Variants in CACNA1B observed in about 807,000 individuals in gnomAD.
The protein encoded by CACNA1B is voltage-dependent N-type calcium channel subunit alpha-1B.
Under a neutral mutation model 247.2 loss-of-function variants are expected in CACNA1B, and 70 were observed. The observed-to-expected ratio is 0.28, with a 90% CI of 0.23 to 0.35. The LOEUF (loss-of-function observed/expected upper bound fraction) is 0.35, where lower values mean the gene tolerates loss of function less well. CACNA1B is among the 10% of genes least tolerant of loss of function. The probability of loss-of-function intolerance (pLI) is 1.00; values close to 1 mark genes in which losing one functional copy is unlikely to be tolerated. For missense variants in CACNA1B, 2,367 were observed against 3,197.4 expected, an observed-to-expected ratio of 0.74 and a Z score of 6.26; for synonymous variants, 1,231 against 1,294.4, an observed-to-expected ratio of 0.95 and a Z score of 1.05.
chr9:137,912,237 A>G (rs1957367035), intron 3 of CACNA1B, among the ~76,000 whole-genome samples: 1 of 152,224 alleles, frequency 6.6e-6, no homozygotes, highest in Non-Finnish European at 1.5e-5. Flanking sequence ...GGTAGCTCCT[A>G]CATGGAATGA....
intron 35 of CACNA1B, among the ~76,000 whole-genome samples, chr9:138,076,746 G>T (rs939229574): frequency 1.3e-5 from 2 of 152,210 alleles, no homozygotes; most frequent in African/African-American, 4.8e-5. Flanking sequence ...CAGAAGGAAG[G>T]AGCTCTTTTA....
intron 41 of CACNA1B, 48 bp downstream of exon 41, chr9:138,114,538 G>C (rs1333397919): frequency 1.1e-6 from 1 of 949,280 alleles, no homozygotes; most frequent in South Asian, 1.4e-5. Flanking sequence ...TGCCTCCGAG[G>C]CTCTGGCATC....
rs1039049034 is a variant in CACNA1B at position 138,009,194 on chromosome 9, G to C, written c.2093-816G>C. Among the ~76,000 whole-genome samples the C allele has an allele frequency of 2.0e-5, 3 of 152,224 alleles. No homozygotes were observed. In the East Asian group the frequency reaches 5.8e-4, roughly 29 times the overall value. On this transcript the variant is annotated intron_variant, in intron 16 of 46. Coordinates refer to ENST00000371372, the MANE Select transcript of CACNA1B (RefSeq NM_000718.4). ...GCACACCCCAGGCGGTGCCTGTGCC[G>C]GTACCTGTGGCAGGTGCTTCCCTTT...
intron 36 of CACNA1B, among the ~76,000 whole-genome samples, chr9:138,088,940 CAA>C (rs1564280897): frequency 1.2e-5 from 1 of 86,026 alleles, no homozygotes; most frequent in African/African-American, 3.9e-5. Context: ...GCCTGGACAA[CAA>C]GAGCAAAACT....
intron 24 of CACNA1B, among the ~76,000 whole-genome samples, 166 bp downstream of exon 24, chr9:138,049,481 T>G (rs569617781): frequency 7.2e-4 from 109 of 152,148 alleles, no homozygotes; most frequent in African/African-American, 2.4e-3. Flanking sequence ...CGGGGCTGCG[T>G]GGGGTTAGGA....
At chr9:137,934,085 G>A (rs1235959920) in intron 6 of CACNA1B, among the ~76,000 whole-genome samples, 1 of 152,130 alleles carries the variant, frequency 6.6e-6, no homozygotes, top group Non-Finnish European at 1.5e-5. Flanking sequence ...CCAATATCCA[G>A]CTTACGATAA....
At chr9:137,918,457 G>T (rs927446230) in intron 6 of CACNA1B, among the ~76,000 whole-genome samples, 1 of 152,162 alleles carries the variant, frequency 6.6e-6, no homozygotes, top group Admixed American at 6.5e-5. Flanking sequence ...AATCTGGGAG[G>T]GGTGCTAGGT....
chr9:138,036,084 T>C (rs1009934986), intron 20 of CACNA1B, among the ~76,000 whole-genome samples: 1 of 152,152 alleles, frequency 6.6e-6, no homozygotes, highest in African/African-American at 2.4e-5. Context: ...ATATTTCGGA[T>C]CATCCATTGG....
At chr9:137,999,233 AAAAAAAT>A (rs59497138) in intron 15 of CACNA1B, among the ~76,000 whole-genome samples, 1,563 of 133,494 alleles carry the variant, frequency 0.012, 28 homozygotes, top group African/African-American at 0.051. Context: ...ACTCCAACTA[AAAAAAAT>A]AAAAAATAAA....
At chr9:137,927,003 G>T (rs1046375323) in intron 6 of CACNA1B, among the ~76,000 whole-genome samples, 1 of 152,076 alleles carries the variant, frequency 6.6e-6, no homozygotes, top group Non-Finnish European at 1.5e-5. Flanking sequence ...TGAATTGATG[G>T]TGTCATTTGA....
rs1036816493 is a variant in CACNA1B, at chr9:138,100,423, T to G, written c.5223-2288T>G. Among the ~76,000 whole-genome samples the G allele has an allele frequency of 6.6e-6, 1 of 152,160 alleles. No homozygotes were observed. Among genetic ancestry groups the G allele is most frequent in the African/African-American group, 2.4e-5 (1 of 41,434 alleles). On this transcript the variant is annotated intron_variant, in intron 37 of 46. Coordinates refer to ENST00000371372, the MANE Select transcript of CACNA1B (RefSeq NM_000718.4). This position sits in a 1 kb window ranked among gnomAD's most constrained non-coding sequence, Gnocchi z 4.6. ...GGACAGCTGGGGAGGGTGGGGGGTC[T>G]CACGTGTGTCCAGCCCCCCGTGGTG...
At chr9:138,009,416 G>C (rs1230495171) in intron 16 of CACNA1B, among the ~76,000 whole-genome samples, 1 of 152,238 alleles carries the variant, frequency 6.6e-6, no homozygotes, top group Non-Finnish European at 1.5e-5. Flanking sequence ...AAAGGAAATG[G>C]AAAGGAGGGG....
rs1331494961 is a variant in CACNA1B at position 138,105,860 on chromosome 9, C to T, written c.5428+53C>T. On this transcript the variant is annotated intron_variant, in intron 39 of 46. Transcript: ENST00000371372. ...CCCTGGACCCAGGGATGTGCACCTCCGCCCTCAGTGTCAGCCCCAGGAGGA... is the reference window on the plus strand; with the variant it reads ...CCCTGGACCCAGGGATGTGCACCTCTGCCCTCAGTGTCAGCCCCAGGAGGA... 11 of 976,372 alleles carry T rather than the reference C, an allele frequency of 1.1e-5. 1 individual carries two copies. Among genetic ancestry groups the T allele is most frequent in the Middle Eastern group, 2.1e-4 (1 of 4,766 alleles). The allele number at this position is 976,372 out of a possible 1,614,324, so 60.5% of individuals were successfully genotyped here.
At chr9:138,103,676 T>A (rs1313057760) in intron 38 of CACNA1B, among the ~76,000 whole-genome samples, 1 of 152,172 alleles carries the variant, frequency 6.6e-6, no homozygotes, top group East Asian at 1.9e-4. Flanking sequence ...TCAAGAGCCC[T>A]CCTGAGGCCC....
chr9:138,085,580 T>C (rs1479514439), intron 36 of CACNA1B, among the ~76,000 whole-genome samples: 1 of 151,082 alleles, frequency 6.6e-6, no homozygotes, highest in Non-Finnish European at 1.5e-5. Flanking sequence ...CCGGGACATG[T>C]TATGGTCAAA....
Position 138,090,701 on chromosome 9 carries a change from C to CAAAAAA in CACNA1B, c.5095-5755_5095-5750dup, listed in dbSNP as rs1173964720. On this transcript the variant is annotated intron_variant, in intron 36 of 46. Transcript: ENST00000371372. ...TACAAGGTGAAACTCAACCCATCAG[C>CAAAAAA]AAAAAAAAAAAAAAAAAAAAAAAAA... 9.5e-3 allele frequency among the ~76,000 whole-genome samples: 157 copies of CAAAAAA among 16,584 alleles called. 4 individuals are homozygous for CAAAAAA. The highest frequency in any genetic ancestry group is 0.028 in the East Asian group (5 of 180). The allele number at this position is 16,584 out of a possible 152,430, so 10.9% of individuals were successfully genotyped here.
intron 42 of CACNA1B, among the ~76,000 whole-genome samples, chr9:138,117,060 C>A (rs1346637593): frequency 2.6e-5 from 4 of 152,252 alleles, no homozygotes; most frequent in African/African-American, 9.6e-5. Context: ...ACTCAACCTG[C>A]ATGACTAAGA....
chr9:138,110,296 G>A (rs1336640962), intron 39 of CACNA1B, among the ~76,000 whole-genome samples: 49 of 151,966 alleles, frequency 3.2e-4, no homozygotes, highest in Admixed American at 3.2e-3. Context: ...TGTATTTTTA[G>A]TAGAGACGGG....
At chr9:138,074,244 CTT>C (rs374889294) in intron 34 of CACNA1B, among the ~76,000 whole-genome samples, 178 bp downstream of exon 34, 16 of 144,206 alleles carry the variant, frequency 1.1e-4, no homozygotes, top group East Asian at 2.0e-4. Context: ...TTTTCTTACT[CTT>C]TTTTTTTTTT....
Sources: gnomAD v4.1 joint callset for allele counts (sites outside exome capture counted in the v4.1 genomes callset) on GRCh38, gnomAD v4.1.1 for gene constraint, Gnocchi (gnomAD v3.1) non-coding constraint, MANE v1.5 for transcripts, NCBI Gene and HGNC (gene_info 2026-07-23, HGNC 2026-07-21) for gene names.